Variants in FBXO11 observed in about 807,000 individuals in gnomAD.
FBXO11 encodes F-box protein 11.
Under a neutral mutation model 117.0 loss-of-function variants are expected in FBXO11, and 13 were observed. The ratio of observed to expected loss-of-function variants is 0.11; its 90% CI spans 0.07 to 0.18. FBXO11 has a LOEUF of 0.18. Ranked by LOEUF, FBXO11 falls within the 10% of genes least tolerant of loss-of-function variation. FBXO11 has a pLI of 1.00. For synonymous variants in FBXO11, 490 were observed against 380.5 expected (o/e 1.29, Z -3.35); for missense variants, 767 against 1,164.4 (o/e 0.66, Z 4.97).
At chr2:47,866,139 G>T (rs565698692) in intron 1 of FBXO11, among the ~76,000 whole-genome samples, 3 of 150,340 alleles carry the variant, frequency 2.0e-5, no homozygotes, top group East Asian at 4.0e-4. Flanking sequence ...GCAGCTACTT[G>T]AAAGGCTGAA....
chr2:47,814,609 G>A (rs1158531801), intron 16 of FBXO11, among the ~76,000 whole-genome samples: 2 of 152,048 alleles, frequency 1.3e-5, no homozygotes, highest in Non-Finnish European at 2.9e-5. Flanking sequence ...AAACTCCTGG[G>A]CTCAAGTGAT....
At chr2:47,905,313 G>C in intron 1 of FBXO11, 176 bp downstream of exon 1, 4 of 552,882 alleles carry the variant, frequency 7.2e-6, no homozygotes, top group Non-Finnish European at 1.0e-5. Flanking sequence ...TTTTCCTGCC[G>C]GCCGGGCCCG....
intron 5 of FBXO11, among the ~76,000 whole-genome samples, chr2:47,835,186 GCA>G (rs1413175090): frequency 1.3e-5 from 2 of 152,078 alleles, no homozygotes; most frequent in Non-Finnish European, 2.9e-5. Context: ...AATAGCAGCA[GCA>G]CACTCTCCTC....
At chr2:47,822,720 T>A (rs898866672) in intron 12 of FBXO11, among the ~76,000 whole-genome samples, 2 of 152,228 alleles carry the variant, frequency 1.3e-5, no homozygotes, top group African/African-American at 4.8e-5. Context: ...CTTGCAGTTT[T>A]TGACTTTTTG....
rs571283415 is a variant in FBXO11, at chr2:47,902,080, C to A, written c.232+3409G>T. On this transcript the variant is annotated intron_variant, in intron 1 of 22. Coordinates refer to ENST00000403359, the MANE Select transcript of FBXO11 (RefSeq NM_001190274.2). ...CCTCCAGAGTAGCTGGGATTACAGG[C>A]GTGAGCCGCCATGCCTGGCTCATTT... 2.0e-5 allele frequency among the ~76,000 whole-genome samples: 3 copies of A among 152,314 alleles called. No homozygotes were observed. In the East Asian group the frequency reaches 5.8e-4, roughly 29 times the overall value.
intron 1 of FBXO11, among the ~76,000 whole-genome samples, chr2:47,864,779 C>G (rs1675068280): frequency 6.6e-6 from 1 of 152,170 alleles, no homozygotes; most frequent in African/African-American, 2.4e-5. Flanking sequence ...TATTTTCACC[C>G]ACATCAAGTG....
chr2:47,898,558 TATA>T (rs1283484838), intron 1 of FBXO11, among the ~76,000 whole-genome samples: 3 of 152,202 alleles, frequency 2.0e-5, no homozygotes, highest in Admixed American at 6.5e-5. Context: ...CCCTTCTTTG[TATA>T]ATGAGTGCTT....
At chr2:47,811,094 A>C (rs1473982226) in intron 18 of FBXO11, 1 of 152,168 alleles carries the variant, frequency 6.6e-6, no homozygotes, top group Non-Finnish European at 1.5e-5. Flanking sequence ...AGTGGGAAAA[A>C]TCTGACTCAG....
In FBXO11 at chr2:47,834,875, A is replaced by G; in HGVS notation, c.718-4T>C. Reference sequence around the variant, plus strand: ...GCTTTACATGTGCACCTTTATACTAAAATGTCAAAAACAAAACAAAACCAT... The same window carrying G: ...GCTTTACATGTGCACCTTTATACTAGAATGTCAAAAACAAAACAAAACCAT... On this transcript the variant is annotated splice_polypyrimidine_tract_variant and splice_region_variant and intron_variant, in intron 5 of 22. Transcript: ENST00000403359. 1 of 1,607,916 alleles carries G rather than the reference A, an allele frequency of 6.2e-7. No individual in the cohort carries two copies. Among genetic ancestry groups the G allele is most frequent in the Non-Finnish European group, 8.5e-7 (1 of 1,176,774 alleles).
intron 16 of FBXO11, among the ~76,000 whole-genome samples, chr2:47,817,063 T>C (rs1318592290): frequency 6.6e-6 from 1 of 152,178 alleles, no homozygotes; most frequent in Non-Finnish European, 1.5e-5. Context: ...ATAAAACTAT[T>C]GAGTCTACAC....
chr2:47,863,391 A>C (rs575113222), intron 1 of FBXO11, among the ~76,000 whole-genome samples: 1 of 152,196 alleles, frequency 6.6e-6, no homozygotes, highest in African/African-American at 2.4e-5. Flanking sequence ...AAGTGCTCTT[A>C]AACAGCTCGT....
chr2:47,820,832 A>G lies in FBXO11; in HGVS notation c.1703-376T>C, dbSNP rs531237847. Reference sequence around the variant, plus strand: ...ATGTGAGTATTATATGACTTAACTCAGGTTAAGATGCTCCGCAGAGTGCCT... The same window carrying G: ...ATGTGAGTATTATATGACTTAACTCGGGTTAAGATGCTCCGCAGAGTGCCT... On this transcript the variant is annotated intron_variant, in intron 13 of 22. Coordinates refer to ENST00000403359, the MANE Select transcript of FBXO11 (RefSeq NM_001190274.2). Among the ~76,000 whole-genome samples the G allele has an allele frequency of 4.6e-5, 7 of 152,324 alleles. No homozygotes were observed. In the East Asian group the frequency reaches 1.4e-3, roughly 29 times the overall value.
chr2:47,829,526 C>T (rs1672025741), intron 11 of FBXO11, among the ~76,000 whole-genome samples: 1 of 152,094 alleles, frequency 6.6e-6, no homozygotes, highest in Admixed American at 6.5e-5. Flanking sequence ...AGGCATGAGC[C>T]ACCACACCTG....
intron 1 of FBXO11, among the ~76,000 whole-genome samples, chr2:47,845,872 A>C (rs2134055): frequency 0.057 from 8,678 of 151,204 alleles, 269 homozygotes; most frequent in Non-Finnish European, 0.069. Flanking sequence ...GTGGTGGCTT[A>C]TCTCCTACTT....
intron 1 of FBXO11, among the ~76,000 whole-genome samples, chr2:47,841,477 A>G (rs757816478): frequency 2.6e-5 from 4 of 152,188 alleles, no homozygotes; most frequent in Non-Finnish European, 2.9e-5. Context: ...CACTACCTAT[A>G]AAGTCTGGCC....
intron 1 of FBXO11, among the ~76,000 whole-genome samples, chr2:47,891,949 A>C (rs1233622966): frequency 6.6e-6 from 1 of 152,122 alleles, no homozygotes; most frequent in South Asian, 2.1e-4. Context: ...TCTTTAGCTC[A>C]TTTTTAAATA....
chr2:47,869,797 A>T (rs928100191), intron 1 of FBXO11, among the ~76,000 whole-genome samples: 1 of 152,166 alleles, frequency 6.6e-6, no homozygotes, highest in Non-Finnish European at 1.5e-5. Flanking sequence ...TTTTGGTCAT[A>T]AACAGGATAG....
chr2:47,813,027 G>A, intron 18 of FBXO11: 6 of 576,350 alleles, frequency 1.0e-5, no homozygotes, highest in Non-Finnish European at 1.9e-5. Context: ...GACAACTGCA[G>A]ACTCAAAGTG....
At position 47,809,704 on chromosome 2, in the gene FBXO11, A is replaced by G; in HGVS notation, c.2342T>C (p.Ile781Thr). Residue 781 changes from isoleucine to threonine, a missense_variant, in exon 20 of 23, where the codon ATT becomes ACT. Coordinates refer to ENST00000403359, the MANE Select transcript of FBXO11 (RefSeq NM_001190274.2). ...NRIFDGFAAG[I>T]EITNHATATL... ...TGCAGTTGCGTGATTTGTAATTTCA[A>G]TACCTGAAGTAAAATTTACAAACAA... 1.9e-6 allele frequency: 3 copies of G among 1,608,356 alleles called. No individual in the cohort carries two copies. Among genetic ancestry groups the G allele is most frequent in the Admixed American group, 1.7e-5 (1 of 59,950 alleles).
Sources: gnomAD v4.1 joint callset for allele counts (sites outside exome capture counted in the v4.1 genomes callset) on GRCh38, gnomAD v4.1.1 for gene constraint, MANE v1.5 for transcripts, NCBI Gene and HGNC (gene_info 2026-07-23, HGNC 2026-07-21) for gene names.